Variants in MCC observed in about 807,000 individuals in gnomAD.
MCC encodes colorectal mutant cancer protein.
In MCC, 90 loss-of-function variants were observed where a neutral mutation model predicts 116.2. That is an observed-to-expected ratio of 0.77 (90% CI 0.65 to 0.92). The LOEUF (loss-of-function observed/expected upper bound fraction) is 0.92. Ranked by LOEUF, MCC falls within the 40% of genes least tolerant of loss-of-function variation. The probability of loss-of-function intolerance (pLI) is 0.00; values close to 1 mark genes in which losing one functional copy is unlikely to be tolerated. For synonymous variants in MCC, 578 were observed against 510.5 expected (o/e 1.13, Z -1.78); for missense variants, 1,516 against 1,312.2 (o/e 1.16, Z -2.40).
chr5:113,404,587 G>A (rs1169872278), intron 1 of MCC, among the ~76,000 whole-genome samples: 1 of 152,168 alleles, frequency 6.6e-6, no homozygotes, highest in Non-Finnish European at 1.5e-5. Flanking sequence ...TTGGTTCAGC[G>A]ATTCCATTTC....
At chr5:113,166,597 C>G (rs775223914) in intron 3 of MCC, among the ~76,000 whole-genome samples, 1 of 150,136 alleles carries the variant, frequency 6.7e-6, no homozygotes, top group Admixed American at 6.7e-5. Flanking sequence ...TCTGAGTCTT[C>G]GTAATAGAGT....
chr5:113,115,371 G>A, intron 6 of MCC, among the ~76,000 whole-genome samples: 1 of 152,214 alleles, frequency 6.6e-6, no homozygotes, highest in East Asian at 1.9e-4. Context: ...TTTTCTCAAA[G>A]CAATCGAGGC....
At chr5:113,030,867 G>A (rs1270081440) in intron 17 of MCC, among the ~76,000 whole-genome samples, 1 of 152,166 alleles carries the variant, frequency 6.6e-6, no homozygotes, top group Admixed American at 6.5e-5. Context: ...GGGGGTTGAT[G>A]GGAGGCTTTC....
chr5:113,223,543 A>G lies in MCC; in HGVS notation c.628-72121T>C, dbSNP rs574388578. The stretch of plus-strand genomic sequence containing the variant: ...AGACTGGTGGCAAAGACAGGGCAGG[A>G]GATCCAACAAGTCTATATTAAGGCA... On this transcript the variant is annotated intron_variant, in intron 3 of 18. Coordinates refer to ENST00000408903, the MANE Select transcript of MCC (RefSeq NM_001085377.2). 3.4e-3 allele frequency among the ~76,000 whole-genome samples: 512 copies of G among 152,310 alleles called. 1 individual carries two copies. Among genetic ancestry groups the G allele is most frequent in the Non-Finnish European group, 5.8e-3 (394 of 68,022 alleles).
chr5:113,077,945 A>T (rs1165371743), intron 11 of MCC, among the ~76,000 whole-genome samples: 1 of 152,224 alleles, frequency 6.6e-6, no homozygotes, highest in Non-Finnish European at 1.5e-5. Context: ...TGAATCAAAT[A>T]GACGCAATAA....
Position 113,451,479 on chromosome 5 carries a change from A to G in MCC, c.170+36766T>C, listed in dbSNP as rs552515938. 2.6e-5 allele frequency among the ~76,000 whole-genome samples: 4 copies of G among 152,326 alleles called. No homozygotes were observed. The South Asian group carries it at 6.2e-4, about 24-fold the overall frequency. The stretch of plus-strand genomic sequence containing the variant: ...GCTGGGTGCGGTGACTCATGCCTGT[A>G]ATCCCAGCACTTTGGGAGGCCGAGG... On this transcript the variant is annotated intron_variant, in intron 1 of 18. Coordinates refer to ENST00000408903, the MANE Select transcript of MCC (RefSeq NM_001085377.2).
At chr5:113,327,110 G>T (rs1180846368) in intron 3 of MCC, among the ~76,000 whole-genome samples, 1 of 152,164 alleles carries the variant, frequency 6.6e-6, no homozygotes, top group Non-Finnish European at 1.5e-5. Context: ...CATTGCTTGG[G>T]AGAGGGGTGT....
At chr5:113,134,673 C>A (rs1758698308) in intron 5 of MCC, among the ~76,000 whole-genome samples, 1 of 142,560 alleles carries the variant, frequency 7.0e-6, no homozygotes, top group Non-Finnish European at 1.5e-5. Context: ...CTCTATAGAT[C>A]ACTTTGGGTA....
At chr5:113,330,751 T>A (rs1050401776) in intron 3 of MCC, among the ~76,000 whole-genome samples, 3 of 152,180 alleles carry the variant, frequency 2.0e-5, no homozygotes, top group Non-Finnish European at 4.4e-5. Flanking sequence ...TGCCCTCTAG[T>A]GTACTTGAAA....
intron 1 of MCC, among the ~76,000 whole-genome samples, chr5:113,414,892 C>T (rs909648038): frequency 1.4e-4 from 22 of 152,296 alleles, no homozygotes; most frequent in African/African-American, 5.3e-4. Flanking sequence ...CATGTTTTTG[C>T]AGTGGCTGGT....
At chr5:113,444,165 T>A (rs1031826339) in intron 1 of MCC, among the ~76,000 whole-genome samples, 4 of 152,102 alleles carry the variant, frequency 2.6e-5, no homozygotes, top group Admixed American at 1.3e-4. Context: ...TTTTAAAATA[T>A]GAAAAACATT....
intron 3 of MCC, among the ~76,000 whole-genome samples, chr5:113,259,101 A>C (rs1164597332): frequency 2.0e-5 from 3 of 152,212 alleles, no homozygotes; most frequent in Non-Finnish European, 4.4e-5. Context: ...CAACAGCAAA[A>C]TGCAAGACAA....
chr5:113,328,970 C>G (rs562706912), intron 3 of MCC, among the ~76,000 whole-genome samples: 1 of 152,272 alleles, frequency 6.6e-6, no homozygotes, highest in East Asian at 1.9e-4. Flanking sequence ...CCCTTGGGGG[C>G]ACATAAATGA....
intron 3 of MCC, among the ~76,000 whole-genome samples, chr5:113,238,202 T>C (rs1032170202): frequency 6.6e-6 from 1 of 152,106 alleles, no homozygotes; most frequent in African/African-American, 2.4e-5. Flanking sequence ...ACTGTTGAAA[T>C]AGACATTAAA....
At chr5:113,068,301 G>C in intron 12 of MCC, 118 bp from the exon 13 acceptor site, 1 of 710,354 alleles carries the variant, frequency 1.4e-6, no homozygotes, top group Non-Finnish European at 2.5e-6. Context: ...TCTCCACACA[G>C]GCAAGGAAAC....
chr5:113,294,636 C>T, intron 3 of MCC: 1 of 1,127,336 alleles, frequency 8.9e-7, no homozygotes, highest in Non-Finnish European at 1.1e-6. Flanking sequence ...GCAGCTGCGG[C>T]AGCGGCGGAG....
At chr5:113,329,944 C>A (rs1301548224) in intron 3 of MCC, among the ~76,000 whole-genome samples, 1 of 152,222 alleles carries the variant, frequency 6.6e-6, no homozygotes, top group Admixed American at 6.5e-5. Flanking sequence ...GGCAGCAGTG[C>A]AGTCATCTAA....
At position 113,068,114 on chromosome 5, in the gene MCC, C is replaced by T. The variant is rs371905792; in HGVS notation, c.1995G>A (p.Gly665=). Residue 665 remains glycine (G), a synonymous_variant, in exon 13 of 19, where the codon GGG becomes GGA. Coordinates refer to ENST00000408903, the MANE Select transcript of MCC (RefSeq NM_001085377.2). ...LAESEQSLIL[G]QFRAAGVGSS... ...ACCCCACGCCCGCCGCTCGGAACTGCCCCAGGATGAGGCTCTGCTCACTCT... is the reference window on the plus strand; with the variant it reads ...ACCCCACGCCCGCCGCTCGGAACTGTCCCAGGATGAGGCTCTGCTCACTCT... The T allele has an allele frequency of 5.5e-5, 89 of 1,614,042 alleles. No individual in the cohort carries two copies. The highest frequency in any genetic ancestry group is 7.0e-5 in the Non-Finnish European group (83 of 1,180,032).
intron 3 of MCC, among the ~76,000 whole-genome samples, chr5:113,245,192 C>G (rs191925125): frequency 6.6e-6 from 1 of 150,784 alleles, no homozygotes; most frequent in Middle Eastern, 3.4e-3. Context: ...ACCAGGAGGC[C>G]GAGGCAGGAG....
Sources: gnomAD v4.1 joint callset for allele counts (sites outside exome capture counted in the v4.1 genomes callset) on GRCh38, gnomAD v4.1.1 for gene constraint, MANE v1.5 for transcripts, NCBI Gene and HGNC (gene_info 2026-07-23, HGNC 2026-07-21) for gene names.